Variants in EHBP1 observed in about 807,000 individuals in gnomAD.
EHBP1 encodes EH domain binding protein 1.
In EHBP1, 55 loss-of-function variants were observed where a neutral mutation model predicts 144.0. That is an observed-to-expected ratio of 0.38 (90% CI 0.31 to 0.48). EHBP1 has a LOEUF of 0.48. Ranked by LOEUF, EHBP1 falls within the 20% of genes least tolerant of loss-of-function variation. EHBP1 has a pLI of 0.98. For synonymous variants in EHBP1, 469 were observed against 472.7 expected (o/e 0.99, Z 0.10); for missense variants, 1,200 against 1,364.2 (o/e 0.88, Z 1.90).
intron 14 of EHBP1, 44 bp from the exon 15 acceptor site, chr2:62,979,144 A>G (rs768198589): frequency 6.4e-7 from 1 of 1,567,532 alleles, no homozygotes; most frequent in South Asian, 1.2e-5. Context: ...ATGAAATTGC[A>G]TTTCTGTCAA....
intron 14 of EHBP1, among the ~76,000 whole-genome samples, chr2:62,957,641 C>CTATTTT (rs2057769348): frequency 1.1e-5 from 1 of 87,174 alleles, no homozygotes; most frequent in African/African-American, 5.1e-5. Flanking sequence ...AAAATAAATG[C>CTATTTT]TTTTTTTTTT....
chr2:62,838,254 G>A (rs1430782917), intron 7 of EHBP1, among the ~76,000 whole-genome samples: 2 of 152,140 alleles, frequency 1.3e-5, no homozygotes, highest in African/African-American at 4.8e-5. Context: ...GGTACATAAC[G>A]AAATGAAGGC....
At chr2:62,830,351 G>GTC (rs1441750155) in intron 6 of EHBP1, among the ~76,000 whole-genome samples, 3 of 151,936 alleles carry the variant, frequency 2.0e-5, no homozygotes, top group Non-Finnish European at 2.9e-5. Context: ...GGTTAGGCTG[G>GTC]TCTCGAACTC....
At chr2:62,830,970 TCTAA>T (rs756325104) in intron 6 of EHBP1, 45 bp from the exon 7 acceptor site, 93 of 1,563,738 alleles carry the variant, frequency 5.9e-5, no homozygotes, top group Non-Finnish European at 7.4e-5. Flanking sequence ...CCATCATTTT[TCTAA>T]CTGTCATTTA....
intron 5 of EHBP1, among the ~76,000 whole-genome samples, chr2:62,782,943 C>T (rs769932833): frequency 6.6e-6 from 1 of 152,122 alleles, no homozygotes; most frequent in East Asian, 1.9e-4. Flanking sequence ...AAGGCAAGTC[C>T]CTTCCACCTA....
chr2:62,844,274 A>G (rs573778555), intron 7 of EHBP1, among the ~76,000 whole-genome samples: 1 of 152,196 alleles, frequency 6.6e-6, no homozygotes, highest in Admixed American at 6.5e-5. Flanking sequence ...CTGATCAAAA[A>G]TCCCTACACT....
At chr2:63,043,737 C>T (rs1036205588) in intron 21 of EHBP1, among the ~76,000 whole-genome samples, 2 of 152,000 alleles carry the variant, frequency 1.3e-5, no homozygotes, top group African/African-American at 4.8e-5. Flanking sequence ...TGAAGATTCA[C>T]ATGGTAACCA....
intron 2 of EHBP1, among the ~76,000 whole-genome samples, chr2:62,711,128 A>T (rs936782539): frequency 1.3e-5 from 2 of 152,154 alleles, no homozygotes; most frequent in African/African-American, 4.8e-5. Context: ...AGGTGGTGAG[A>T]AATGGTCAGA....
chr2:62,871,254 A>G (rs2050457785), intron 9 of EHBP1, among the ~76,000 whole-genome samples: 1 of 152,234 alleles, frequency 6.6e-6, no homozygotes. Flanking sequence ...TTAAAGAGAC[A>G]TCTAATGTTT....
intron 10 of EHBP1, among the ~76,000 whole-genome samples, chr2:62,886,724 G>A (rs574465763): frequency 6.6e-5 from 10 of 152,202 alleles, no homozygotes; most frequent in African/African-American, 2.2e-4. Context: ...TTTTAATGAT[G>A]ATTTAGTTAG....
chr2:62,836,112 G>C (rs2047223065), intron 7 of EHBP1, among the ~76,000 whole-genome samples: 1 of 152,124 alleles, frequency 6.6e-6, no homozygotes, highest in African/African-American at 2.4e-5. Flanking sequence ...TTTGAAGAGA[G>C]CAGTGGTTCT....
intron 18 of EHBP1, among the ~76,000 whole-genome samples, chr2:62,995,969 A>G (rs2059613647): frequency 6.6e-6 from 1 of 152,118 alleles, no homozygotes; most frequent in South Asian, 2.1e-4. Context: ...CTTAGATCCT[A>G]TGTAGCAAGG....
intron 7 of EHBP1, among the ~76,000 whole-genome samples, chr2:62,842,567 C>T (rs969452141): frequency 3.3e-5 from 5 of 152,160 alleles, no homozygotes; most frequent in African/African-American, 1.2e-4. Flanking sequence ...ATTTAATTCA[C>T]TTGTCACATA....
chr2:62,896,673 C>G (rs945698698), intron 10 of EHBP1, among the ~76,000 whole-genome samples: 4 of 150,568 alleles, frequency 2.7e-5, no homozygotes, highest in African/African-American at 9.8e-5. Context: ...TATAATATAG[C>G]CCATCTTTAA....
rs569000801 is a variant in EHBP1 at position 62,679,956 on chromosome 2, A to G, written c.-296+5873A>G. ...TCATCTGAGCGTTTATCTAGAGCGT[A>G]CTTAGCATGTTAATCCCCAACTCTT... On this transcript the variant is annotated intron_variant, in intron 1 of 22. Coordinates refer to the EHBP1 transcript ENST00000405015. Among the ~76,000 whole-genome samples, 26 of 152,358 alleles carry G rather than the reference A, an allele frequency of 1.7e-4. No homozygotes were observed. In the South Asian group the frequency reaches 5.4e-3, roughly 32 times the overall value.
chr2:62,873,822 A>G (rs1317399512), intron 9 of EHBP1, among the ~76,000 whole-genome samples: 1 of 152,198 alleles, frequency 6.6e-6, no homozygotes, highest in Non-Finnish European at 1.5e-5. Context: ...CAGCTAAACT[A>G]TCACTTAAAT....
At chr2:63,019,874 A>AGGAAGGAAGGAAGGAAGGAC (rs2060647392) in intron 19 of EHBP1, among the ~76,000 whole-genome samples, 2 of 143,786 alleles carry the variant, frequency 1.4e-5, no homozygotes, top group Non-Finnish European at 3.1e-5. Context: ...GAAGGAAGGA[A>AGGAAGGAAGGAAGGAAGGAC]GGAAGGAAGG....
intron 2 of EHBP1, among the ~76,000 whole-genome samples, chr2:62,731,174 A>G (rs949830581): frequency 6.6e-6 from 1 of 151,922 alleles, no homozygotes; most frequent in African/African-American, 2.4e-5. Flanking sequence ...TATAAATGGT[A>G]TTCCTGTTTT....
intron 14 of EHBP1, among the ~76,000 whole-genome samples, chr2:62,957,777 C>T (rs1189423013): frequency 6.6e-6 from 1 of 150,568 alleles, no homozygotes; most frequent in East Asian, 2.0e-4. Flanking sequence ...TCCCAAGTAG[C>T]TGGGATTACA....
Sources: gnomAD v4.1 joint callset for allele counts (sites outside exome capture counted in the v4.1 genomes callset) on GRCh38, gnomAD v4.1.1 for gene constraint, MANE v1.5 for transcripts, NCBI Gene and HGNC (gene_info 2026-07-23, HGNC 2026-07-21) for gene names.